The following RHOBTB1 variants were observed in gnomAD, a reference collection of about 807,000 sequenced individuals.
RHOBTB1 encodes the protein Rho related BTB domain containing 1.
RHOBTB1 carries 40 observed loss-of-function variants against 71.6 expected under a neutral mutation model. The observed-to-expected ratio is 0.56, with a 90% confidence interval of 0.43 to 0.73. RHOBTB1 has a LOEUF of 0.73. Ranked by LOEUF, RHOBTB1 falls within the 30% of genes least tolerant of loss-of-function variation. The probability of loss-of-function intolerance (pLI) is 0.00; values close to 1 mark genes in which losing one functional copy is unlikely to be tolerated. For missense variants in RHOBTB1, 797 were observed against 894.0 expected, an observed-to-expected ratio of 0.89 and a Z score of 1.38; for synonymous variants, 319 against 334.9, an observed-to-expected ratio of 0.95 and a Z score of 0.52.
chr10:60,947,706 G>C (rs753667397), upstream of RHOBTB1, among the ~76,000 whole-genome samples: 1 of 152,054 alleles, frequency 6.6e-6, no homozygotes, highest in African/African-American at 2.4e-5. Context: ...GGATGTATCA[G>C]AGTTTGTTTA....
chr10:60,940,216 G>A (rs2084827355), intron 2 of RHOBTB1, among the ~76,000 whole-genome samples: 1 of 152,100 alleles, frequency 6.6e-6, no homozygotes, highest in Non-Finnish European at 1.5e-5. Context: ...TTGAGTGGGG[G>A]TTATCAGCAC....
chr10:60,890,869 T>C (rs2081883160), intron 5 of RHOBTB1, among the ~76,000 whole-genome samples: 1 of 152,236 alleles, frequency 6.6e-6, no homozygotes, highest in African/African-American at 2.4e-5. Flanking sequence ...ACTTGAAATT[T>C]ACCAACTGAT....
At chr10:60,868,949 T>C (rs1360933444), downstream of RHOBTB1, among the ~76,000 whole-genome samples, 1 of 152,216 alleles carries the variant, frequency 6.6e-6, no homozygotes, top group East Asian at 1.9e-4. Flanking sequence ...AGTCCCTCAA[T>C]GACATCTCAC....
At chr10:60,964,137 A>G (rs1206180490) in intron 2 of RHOBTB1, among the ~76,000 whole-genome samples, 1 of 152,132 alleles carries the variant, frequency 6.6e-6, no homozygotes, top group Non-Finnish European at 1.5e-5. Context: ...TTTCTTTTCC[A>G]TCTTTGTAAA....
chr10:60,873,559 C>A (rs527547708), intron 9 of RHOBTB1, among the ~76,000 whole-genome samples: 99 of 152,324 alleles, frequency 6.5e-4, no homozygotes, highest in African/African-American at 2.1e-3. Flanking sequence ...AACAAACAGA[C>A]ACAACTGCAA....
chr10:60,958,895 C>T (rs145667198), intron 2 of RHOBTB1, among the ~76,000 whole-genome samples: 1 of 152,260 alleles, frequency 6.6e-6, no homozygotes, highest in African/African-American at 2.4e-5. Context: ...GGCACCGCAC[C>T]TGGCCCAGAG....
intron 4 of RHOBTB1, among the ~76,000 whole-genome samples, chr10:60,894,124 C>T (rs1554834270): frequency 1.3e-5 from 2 of 151,852 alleles, no homozygotes; most frequent in Non-Finnish European, 2.9e-5. Flanking sequence ...AATGAGCTTC[C>T]CCCCCTACAT....
At chr10:60,887,516 C>T (rs757171471) in intron 6 of RHOBTB1, among the ~76,000 whole-genome samples, 8 of 152,176 alleles carry the variant, frequency 5.3e-5, no homozygotes, top group Non-Finnish European at 7.3e-5. Context: ...ATATTGGATG[C>T]GGGCCACCAG....
At chr10:60,893,094 C>A in intron 4 of RHOBTB1, 99 bp from the exon 5 acceptor site, 6 of 811,968 alleles carry the variant, frequency 7.4e-6, no homozygotes, top group Non-Finnish European at 9.6e-6. Context: ...AATGCCATCT[C>A]ATGTCACAAT....
chr10:60,885,150 T>C (rs1018002451), intron 7 of RHOBTB1, among the ~76,000 whole-genome samples: 2 of 152,168 alleles, frequency 1.3e-5, no homozygotes, highest in African/African-American at 4.8e-5. Context: ...TATCGTATAT[T>C]TCAAAATAGC....
downstream of RHOBTB1, among the ~76,000 whole-genome samples, chr10:60,868,317 T>A (rs113047773): frequency 1.0e-2 from 1,515 of 152,230 alleles, 13 homozygotes; most frequent in Middle Eastern, 0.017. Context: ...TATCTATCTA[T>A]CATCTATCTA....
chr10:60,907,230 T>C (rs113626426), intron 4 of RHOBTB1, among the ~76,000 whole-genome samples: 28 of 152,336 alleles, frequency 1.8e-4, no homozygotes, highest in African/African-American at 6.5e-4. Flanking sequence ...AACAGACTAA[T>C]ACAGGGACTG....
chr10:60,902,886 T>A (rs2082477534), intron 4 of RHOBTB1, among the ~76,000 whole-genome samples: 1 of 152,152 alleles, frequency 6.6e-6, no homozygotes, highest in South Asian at 2.1e-4. Flanking sequence ...TCAACTAACA[T>A]CGATCAAGCT....
intron 2 of RHOBTB1, among the ~76,000 whole-genome samples, chr10:60,928,174 C>T (rs2084003142): frequency 6.6e-6 from 1 of 152,060 alleles, no homozygotes; most frequent in African/African-American, 2.4e-5. Flanking sequence ...ATAATGATTG[C>T]TGGTGAGGAT....
chr10:60,948,548 G>A (rs955205914), upstream of RHOBTB1, among the ~76,000 whole-genome samples: 1 of 152,194 alleles, frequency 6.6e-6, no homozygotes, highest in South Asian at 2.1e-4. Context: ...AGAGATTCAT[G>A]CTGTCCATCT....
rs2080781694 is a variant in RHOBTB1 at position 60,871,558 on chromosome 10, T to G, written c.2015A>C (p.Lys672Thr). Residue 672 changes from lysine (K) to threonine (T), a missense_variant, in exon 11 of 11, where the codon AAG (lysine) becomes ACG (threonine). By Grantham distance (78) the Lys-to-Thr change is moderately conservative (BLOSUM62 -1). Transcript: ENST00000337910. ...HYQRVKREREKEDIALNKHRS... is the reference protein window; with the variant it reads ...HYQRVKRERETEDIALNKHRS... Reference sequence around the variant, plus strand: ...ATGCTTATTTAGTGCAATATCTTCCTTCTCTCGTTCCCTTTTCACACGCTG... The same window carrying G: ...ATGCTTATTTAGTGCAATATCTTCCGTCTCTCGTTCCCTTTTCACACGCTG... 1.9e-6 allele frequency: 3 copies of G among 1,614,048 alleles called. No homozygotes were observed. The highest frequency in any genetic ancestry group is 2.2e-5 in the South Asian group (2 of 91,086).
intron 2 of RHOBTB1, among the ~76,000 whole-genome samples, chr10:60,916,854 C>A (rs73263841): frequency 6.6e-4 from 101 of 152,272 alleles, no homozygotes; most frequent in Non-Finnish European, 1.2e-3. Flanking sequence ...GTGGGTGCAA[C>A]GCAATCACGA....
downstream of RHOBTB1, among the ~76,000 whole-genome samples, chr10:60,867,803 T>TAAAAGC (rs2080644044): frequency 1.3e-5 from 2 of 152,204 alleles, no homozygotes; most frequent in African/African-American, 4.8e-5. Context: ...AAGTGTAGCT[T>TAAAAGC]TTAAAGGAGG....
chr10:60,888,105 T>C, intron 6 of RHOBTB1, 107 bp downstream of exon 6: 1 of 1,245,348 alleles, frequency 8.0e-7, no homozygotes, highest in Non-Finnish European at 1.1e-6. Flanking sequence ...AAAAAATAAG[T>C]ACGTATAAAT....
Sources: allele counts gnomAD v4.1 joint callset (sites outside exome capture counted in the v4.1 genomes callset), GRCh38; gene constraint gnomAD v4.1.1; transcripts MANE v1.5; gene names NCBI Gene and HGNC (gene_info 2026-07-23, HGNC 2026-07-21).